C19orf47: variants seen among roughly 807,000 people sequenced by gnomAD.
C19orf47 encodes uncharacterized protein C19orf47.
C19orf47 carries 18 observed loss-of-function variants against 32.3 expected under a neutral mutation model. That is an observed-to-expected ratio of 0.56 (90% CI 0.39 to 0.83). The LOEUF (loss-of-function observed/expected upper bound fraction) is 0.83. C19orf47 is among the 40% of genes least tolerant of loss of function. The pLI is 0.00. For missense variants in C19orf47, 484 were observed against 531.6 expected, an observed-to-expected ratio of 0.91 and a Z score of 0.88; for synonymous variants, 202 against 211.1, an observed-to-expected ratio of 0.96 and a Z score of 0.37.
chr19:40,338,266 T>TACACACACACAC lies in C19orf47; in HGVS notation c.20-1871_20-1860dup, dbSNP rs35520400. ...TTTTTTGTATATATATACATATATA[T>TACACACACACAC]ACACACACACACACACACACACACA... On this transcript the variant is annotated intron_variant, in intron 2 of 8. Transcript: ENST00000683109. Among the ~76,000 whole-genome samples, 321 of 143,564 alleles carry TACACACACACAC rather than the reference T, an allele frequency of 2.2e-3. 1 individual carries two copies. Among genetic ancestry groups the TACACACACACAC allele is most frequent in the African/African-American group, 7.6e-3 (294 of 38,732 alleles). 94.2% of individuals were successfully genotyped at this position (143,564 alleles called of 152,430 possible). A position where few individuals can be genotyped will look rare whatever the true frequency, so the allele number is the denominator to read the frequency against.
At chr19:40,344,868 G>A (rs563612246) in intron 1 of C19orf47, among the ~76,000 whole-genome samples, 4 of 152,172 alleles carry the variant, frequency 2.6e-5, no homozygotes, top group African/African-American at 9.7e-5. Flanking sequence ...GAAAGTTACA[G>A]ATGAGAATGG....
chr19:40,344,294 C>A (rs1307499687), intron 1 of C19orf47, among the ~76,000 whole-genome samples: 3 of 151,396 alleles, frequency 2.0e-5, no homozygotes, highest in African/African-American at 7.3e-5. Context: ...GCCTGGCCAA[C>A]ATGGTGAAAC....
At chr19:40,304,486 CTGG>C in the C19orf47 span, among the ~76,000 whole-genome samples, 2 of 152,138 alleles carry the variant, frequency 1.3e-5, no homozygotes, top group African/African-American at 4.8e-5. Context: ...ATCTATTCTT[CTGG>C]GACAACTTTT....
At chr19:40,309,299 C>T in the C19orf47 span, among the ~76,000 whole-genome samples, 399 of 151,436 alleles carry the variant, frequency 2.6e-3, no homozygotes, top group Non-Finnish European at 4.4e-3. Context: ...TCAAGCGATT[C>T]TCCTGCTTCA....
At chr19:40,298,117 T>C in the C19orf47 span, among the ~76,000 whole-genome samples, 1 of 151,804 alleles carries the variant, frequency 6.6e-6, no homozygotes. Context: ...GAAACTTCCA[T>C]GACTAATCTA....
chr19:40,348,465 G>T (rs1214785927), upstream of C19orf47: 1 of 1,500,444 alleles, frequency 6.7e-7, no homozygotes, highest in Non-Finnish European at 8.8e-7. Context: ...CTCGTCCGCG[G>T]CCGCTCTACC....
chr19:40,345,397 C>T (rs2078252160), intron 1 of C19orf47, among the ~76,000 whole-genome samples: 1 of 152,042 alleles, frequency 6.6e-6, no homozygotes, highest in African/African-American at 2.4e-5. Context: ...CTTCCCTCAA[C>T]TGCACAATAA....
chr19:40,336,124 C>T lies in C19orf47; in HGVS notation c.208G>A (p.Val70Met). The change falls in exon 4 of 9, where the codon GTG becomes ATG. Residue 70 changes from valine to methionine, a missense_variant. Val to Met is a conservative substitution (Grantham distance 21). Transcript: ENST00000683109. ...DIIAILKHAKVVHRQDMCKAA... is the reference protein window; with the variant it reads ...DIIAILKHAKMVHRQDMCKAA... ...ACAGCACCCACCTGACGGTGCACCACTTTGGCATGCTTGAGAATGGCGATG... is the reference window on the plus strand; with the variant it reads ...ACAGCACCCACCTGACGGTGCACCATTTTGGCATGCTTGAGAATGGCGATG... 6.2e-7 allele frequency: 1 copy of T among 1,614,204 alleles called. No individual in the cohort carries two copies. The highest frequency in any genetic ancestry group is 2.2e-5 in the East Asian group (1 of 44,884).
At chr19:40,305,408 GAAA>G in the C19orf47 span, among the ~76,000 whole-genome samples, 1 of 150,886 alleles carries the variant, frequency 6.6e-6, no homozygotes, top group African/African-American at 2.4e-5. Flanking sequence ...ACATTACTAA[GAAA>G]AACTGAAATA....
intron 1 of C19orf47, among the ~76,000 whole-genome samples, chr19:40,346,779 G>A (rs1211528848): frequency 6.6e-6 from 1 of 152,016 alleles, no homozygotes; most frequent in Non-Finnish European, 1.5e-5. Context: ...GCCCGTCTCG[G>A]CCTCCCAAAG....
intron 2 of C19orf47, among the ~76,000 whole-genome samples, chr19:40,341,633 T>TA (rs1034155364): frequency 1.3e-5 from 2 of 152,144 alleles, no homozygotes; most frequent in African/African-American, 2.4e-5. Context: ...TCTTCACAGC[T>TA]AAACTATACA....
chr19:40,336,264 G>A, intron 3 of C19orf47, 40 bp from the exon 4 acceptor site: 1 of 1,613,602 alleles, frequency 6.2e-7, no homozygotes, highest in Non-Finnish European at 8.5e-7. Flanking sequence ...AGGTGGGCCA[G>A]AGTGGGTGGG....
At position 40,322,050 on chromosome 19, in the gene C19orf47, G is replaced by A. The variant is rs142357500; in HGVS notation, c.990C>T (p.Asp330=). 4.3e-6 allele frequency: 7 copies of A among 1,614,100 alleles called. No individual in the cohort carries two copies. Among genetic ancestry groups the A allele is most frequent in the African/African-American group, 4.0e-5 (3 of 74,946 alleles). Residue 330 remains aspartate, a synonymous_variant, in exon 9 of 9, where the codon GAC becomes GAT. Transcript: ENST00000683109. The part of the protein sequence containing the change: ...GAAALVPEAQ[D]SQVTSTKSKS... Reference sequence around the variant, plus strand: ...TACTCTTGGTGCTGGTGACCTGGCTGTCCTGGGCCTCGGGCACAAGGGCAG... The same window carrying A: ...TACTCTTGGTGCTGGTGACCTGGCTATCCTGGGCCTCGGGCACAAGGGCAG...
chr19:40,322,244 C>T lies in C19orf47; in HGVS notation c.796G>A (p.Ala266Thr), dbSNP rs1323401343. ...AGTGCTGGCTGGGGACTGGCCTTGG[C>T]TGGGCCCCGTCCTAGCTTCTTCAGG... ...GVLKKLGRGP[A>T]KASPQPALTV... Residue 266 changes from alanine to threonine, a missense_variant, in exon 9 of 9, where the codon GCC becomes ACC. Transcript: ENST00000683109. The T allele has an allele frequency of 6.2e-7, 1 of 1,609,018 alleles. No homozygotes were observed. The highest frequency in any genetic ancestry group is 1.3e-5 in the African/African-American group (1 of 75,068).
At chr19:40,295,376 G>A in the C19orf47 span, among the ~76,000 whole-genome samples, 1 of 151,658 alleles carries the variant, frequency 6.6e-6, no homozygotes, top group African/African-American at 2.4e-5. Flanking sequence ...AGGACAGAAA[G>A]GGATATAACA....
chr19:40,302,100 G>A, the C19orf47 span, among the ~76,000 whole-genome samples: 1 of 152,218 alleles, frequency 6.6e-6, no homozygotes, highest in African/African-American at 2.4e-5. Flanking sequence ...GGCAGAGGTT[G>A]CAGTGAGCCA....
intron 2 of C19orf47, 115 bp from the exon 3 acceptor site, chr19:40,336,522 G>C: frequency 1.1e-6 from 1 of 872,012 alleles, no homozygotes. Flanking sequence ...GCCAGGCCCT[G>C]CATGGAGTGC....
At chr19:40,293,220 A>T in the C19orf47 span, among the ~76,000 whole-genome samples, 1 of 150,670 alleles carries the variant, frequency 6.6e-6, no homozygotes, top group Non-Finnish European at 1.5e-5. Flanking sequence ...GGCTCACTGC[A>T]ACCTCTGCCT....
At chr19:40,346,862 G>C (rs958501612) in intron 1 of C19orf47, among the ~76,000 whole-genome samples, 5 of 152,126 alleles carry the variant, frequency 3.3e-5, no homozygotes, top group African/African-American at 1.2e-4. Context: ...AGGATTAAAC[G>C]AGTTAATAAA....
Sources: gnomAD v4.1 joint callset for allele counts (sites outside exome capture counted in the v4.1 genomes callset) on GRCh38, gnomAD v4.1.1 for gene constraint, MANE v1.5 for transcripts, NCBI Gene and HGNC (gene_info 2026-07-23, HGNC 2026-07-21) for gene names.